Variants in MCTP2 observed in about 807,000 individuals in gnomAD.
MCTP2 encodes multiple C2 and transmembrane domain containing 2.
A neutral mutation model predicts 111.6 loss-of-function variants in MCTP2; 132 were observed. That is an observed-to-expected ratio of 1.18 (90% CI 1.03 to 1.37). The LOEUF is 1.37. Among genes scored for constraint, MCTP2 ranks in the 40% most tolerant of loss-of-function variants. The pLI is 0.00. For synonymous variants in MCTP2, 395 were observed against 387.7 expected, an observed-to-expected ratio of 1.02 and a Z score of -0.22; for missense variants, 1,183 against 1,067.9, an observed-to-expected ratio of 1.11 and a Z score of -1.50.
intron 20 of MCTP2, among the ~76,000 whole-genome samples, chr15:94,459,254 T>C (rs982992710): frequency 6.6e-6 from 1 of 152,168 alleles, no homozygotes; most frequent in Admixed American, 6.5e-5. Context: ...TGTTTTGGAA[T>C]TGCATGGGTA....
chr15:94,426,697 GT>G (rs1390429067), intron 17 of MCTP2, among the ~76,000 whole-genome samples: 1 of 151,958 alleles, frequency 6.6e-6, no homozygotes, highest in Non-Finnish European at 1.5e-5. Flanking sequence ...TTTGGTCATT[GT>G]TTTTTCCTTC....
intron 19 of MCTP2, among the ~76,000 whole-genome samples, chr15:94,443,995 A>AAAAC (rs2083960182): frequency 6.7e-6 from 1 of 149,676 alleles, no homozygotes; most frequent in South Asian, 2.1e-4. Flanking sequence ...AAAAAAAAAA[A>AAAAC]AAAAAAAAAA....
intron 2 of MCTP2, among the ~76,000 whole-genome samples, chr15:94,305,998 G>C (rs564151124): frequency 6.6e-6 from 1 of 151,946 alleles, no homozygotes; most frequent in Non-Finnish European, 1.5e-5. Context: ...AAATGCATAC[G>C]GTCTATTCTG....
chr15:94,282,273 C>G (rs538459672), intron 1 of MCTP2, among the ~76,000 whole-genome samples: 1 of 152,106 alleles, frequency 6.6e-6, no homozygotes, highest in African/African-American at 2.4e-5. Context: ...CTTTGTCTGC[C>G]TGCGTTGATT....
chr15:94,260,228 C>T lies in MCTP2; in HGVS notation c.-66+28564C>T, dbSNP rs565698577. Among the ~76,000 whole-genome samples the T allele has an allele frequency of 2.0e-4, 30 of 152,268 alleles. No individual in the cohort carries two copies. The South Asian group carries it at 6.0e-3, about 30-fold the overall frequency. On this transcript the variant is annotated intron_variant, in intron 1 of 22. Transcript: ENST00000357742. ...AATAAGGGTATGCGAAAATTCCTCCCCGACTCAGGATCCAGTGGGCTTGCC... is the reference window on the plus strand; with the variant it reads ...AATAAGGGTATGCGAAAATTCCTCCTCGACTCAGGATCCAGTGGGCTTGCC...
In MCTP2 at chr15:94,298,632, G is replaced by C; in HGVS notation, c.367G>C (p.Ala123Pro). Reference sequence around the variant, plus strand: ...TGTGGTGGAAACAGACTCAGAGGAGGCCTATGCCTCTCCTGCTGAGCGGAG... The same window carrying C: ...TGTGGTGGAAACAGACTCAGAGGAGCCCTATGCCTCTCCTGCTGAGCGGAG... ...LHVVETDSEE[A>P]YASPAERRRV... The change falls in exon 2 of 23, where the codon GCC (alanine) becomes CCC (proline). Residue 123 changes from alanine (A) to proline (P), a missense_variant. Coordinates refer to ENST00000357742, the MANE Select transcript of MCTP2 (RefSeq NM_001385001.1). 1 of 1,614,122 alleles carries C rather than the reference G, an allele frequency of 6.2e-7. No individual in the cohort carries two copies. Among genetic ancestry groups the C allele is most frequent in the Non-Finnish European group, 8.5e-7 (1 of 1,180,026 alleles).
chr15:94,242,201 A>G (rs1308618813), intron 1 of MCTP2, among the ~76,000 whole-genome samples: 2 of 152,246 alleles, frequency 1.3e-5, no homozygotes, highest in East Asian at 1.9e-4. Flanking sequence ...TTGAATTCAG[A>G]CAAACCCCAG....
chr15:94,307,660 C>A (rs551245762), intron 2 of MCTP2, among the ~76,000 whole-genome samples: 1 of 152,200 alleles, frequency 6.6e-6, no homozygotes, highest in South Asian at 2.1e-4. Flanking sequence ...CAGAAGGAAT[C>A]GTTGGCACAC....
chr15:94,425,549 A>C (rs939065327), intron 17 of MCTP2, among the ~76,000 whole-genome samples: 1 of 152,136 alleles, frequency 6.6e-6, no homozygotes, highest in Non-Finnish European at 1.5e-5. Context: ...GTTGATTAGC[A>C]GGAGTAAAAA....
rs114865148 is a variant in MCTP2 at position 94,296,362 on chromosome 15, A to G, written c.-65-1839A>G. Among the ~76,000 whole-genome samples, 1,262 of 152,350 alleles carry G rather than the reference A, an allele frequency of 8.3e-3. 23 individuals are homozygous for G. Among genetic ancestry groups the G allele is most frequent in the African/African-American group, 0.029 (1,201 of 41,568 alleles). Reference sequence around the variant, plus strand: ...AAACTATTTTAAACATTTAAAGCCAAAATGACCCAATACAAAGTAATTGAA... The same window carrying G: ...AAACTATTTTAAACATTTAAAGCCAGAATGACCCAATACAAAGTAATTGAA... On this transcript the variant is annotated intron_variant, in intron 1 of 22. Coordinates refer to ENST00000357742, the MANE Select transcript of MCTP2 (RefSeq NM_001385001.1).
chr15:94,259,616 G>A (rs2073060180), intron 1 of MCTP2, among the ~76,000 whole-genome samples: 1 of 152,082 alleles, frequency 6.6e-6, no homozygotes, highest in South Asian at 2.1e-4. Context: ...ACCATTTAGG[G>A]TATTGTGTAA....
chr15:94,316,998 A>G (rs1188357383), intron 4 of MCTP2, among the ~76,000 whole-genome samples: 2 of 152,070 alleles, frequency 1.3e-5, no homozygotes, highest in Admixed American at 1.3e-4. Flanking sequence ...TCCTCTCGGG[A>G]AGAATTCTTC....
chr15:94,364,632 C>T (rs1192858216), intron 10 of MCTP2, among the ~76,000 whole-genome samples: 4 of 152,040 alleles, frequency 2.6e-5, no homozygotes, highest in African/African-American at 9.7e-5. Context: ...CACAAAAAGC[C>T]ATTTTGGTCA....
intron 21 of MCTP2, 155 bp from the exon 22 acceptor site, chr15:94,476,541 C>G: frequency 2.0e-6 from 1 of 508,058 alleles, no homozygotes; most frequent in Non-Finnish European, 3.5e-6. Flanking sequence ...TTGTGAATAT[C>G]CCCTCTCCCC....
intron 15 of MCTP2, 190 bp from the exon 16 acceptor site, chr15:94,399,731 C>G: frequency 3.5e-6 from 2 of 572,240 alleles, no homozygotes; most frequent in Non-Finnish European, 3.2e-6. Context: ...CTGACCCATG[C>G]CAGGGACTCT....
At chr15:94,427,543 AACTC>A (rs1360822193) in intron 17 of MCTP2, among the ~76,000 whole-genome samples, 2 of 152,114 alleles carry the variant, frequency 1.3e-5, no homozygotes, top group Non-Finnish European at 2.9e-5. Flanking sequence ...ATCTCATGAG[AACTC>A]ACTCACTATC....
intron 17 of MCTP2, among the ~76,000 whole-genome samples, chr15:94,407,789 AC>A (rs2081976846): frequency 3.0e-5 from 3 of 100,312 alleles, no homozygotes; most frequent in African/African-American, 1.3e-4. Context: ...ACACACACAC[AC>A]ACACACACAC....
At chr15:94,279,852 A>C (rs1596257487) in intron 1 of MCTP2, among the ~76,000 whole-genome samples, 4 of 152,308 alleles carry the variant, frequency 2.6e-5, no homozygotes, top group Admixed American at 2.6e-4. Flanking sequence ...TTCTGCATCT[A>C]TTCAGATAAT....
chr15:94,301,260 GA>G (rs946870521), intron 2 of MCTP2, among the ~76,000 whole-genome samples: 1 of 152,096 alleles, frequency 6.6e-6, no homozygotes, highest in Admixed American at 6.5e-5. Context: ...AGGACGGAGG[GA>G]CGGGAGTGCG....
Sources: allele counts gnomAD v4.1 joint callset (sites outside exome capture counted in the v4.1 genomes callset), GRCh38; gene constraint gnomAD v4.1.1; transcripts MANE v1.5; gene names NCBI Gene and HGNC (gene_info 2026-07-23, HGNC 2026-07-21).